The following WDFY4 variants were observed in gnomAD, a reference collection of about 807,000 sequenced individuals.
WDFY4 encodes the protein WDFY family member 4.
Under a neutral mutation model 351.9 loss-of-function variants are expected in WDFY4, and 169 were observed. The observed-to-expected ratio is 0.48, with a 90% CI of 0.42 to 0.55. The LOEUF (loss-of-function observed/expected upper bound fraction) is 0.55. WDFY4 is among the 20% of genes least tolerant of loss of function. WDFY4 has a pLI of 0.00. For missense variants in WDFY4, 3,803 were observed against 3,935.6 expected (o/e 0.97, Z 0.90); for synonymous variants, 1,622 against 1,574.6 (o/e 1.03, Z -0.71).
chr10:48,826,862 C>G lies in WDFY4; in HGVS notation c.6174C>G (p.Ser2058Arg). The change falls in exon 36 of 62, where the codon AGC becomes AGG. Residue 2058 changes from serine (S) to arginine (R), a missense_variant. By Grantham distance (110) the Ser-to-Arg change is moderately radical. Transcript: ENST00000325239. Reference protein sequence around the residue: ...VVFATYNSNISFLLCLMHCLL... With the variant: ...VVFATYNSNIRFLLCLMHCLL... ...TTGCCACCTACAATTCCAACATCAG[C>G]TTCCTCCTGTGTCTCATGCATTGCC... The G allele has an allele frequency of 1.3e-6, 2 of 1,551,774 alleles. No homozygotes were observed. The highest frequency in any genetic ancestry group is 1.7e-6 in the Non-Finnish European group (2 of 1,147,014).
chr10:48,890,103 GGCAGTACCTGTCTT>G (rs1443733610), intron 43 of WDFY4, among the ~76,000 whole-genome samples: 1 of 152,234 alleles, frequency 6.6e-6, no homozygotes. Context: ...TTGCAGAGAT[GGCAGTACCTGTCTT>G]GCACTTGTGG....
chr10:48,779,323 G>A (rs1238976666), intron 18 of WDFY4, among the ~76,000 whole-genome samples: 2 of 152,252 alleles, frequency 1.3e-5, no homozygotes, highest in African/African-American at 4.8e-5. Context: ...TCCTTTGGCA[G>A]TGCTAGAGGC....
Position 48,731,188 on chromosome 10 carries a change from T to C in WDFY4, c.1208T>C (p.Ile403Thr). Reference protein sequence around the residue: ...FHKASDSVLCIQVLSVIRTMW... With the variant: ...FHKASDSVLCTQVLSVIRTMW... ...AAAGCCAGTGACTCTGTCCTCTGCA[T>C]ACAAGTCTTGTCAGTCATCAGGACC... Residue 403 changes from isoleucine to threonine, a missense_variant, in exon 9 of 62, where the codon ATA becomes ACA. Physicochemically the swap from Ile to Thr is moderately conservative, Grantham distance 89 (BLOSUM62 -1). Coordinates refer to ENST00000325239, the MANE Select transcript of WDFY4 (RefSeq NM_001394531.1). The C allele has an allele frequency of 1.3e-6, 2 of 1,551,816 alleles. No individual in the cohort carries two copies. The highest frequency in any genetic ancestry group is 1.7e-6 in the Non-Finnish European group (2 of 1,147,016).
chr10:48,712,819 T>C (rs1279005430), intron 2 of WDFY4, among the ~76,000 whole-genome samples: 1 of 145,234 alleles, frequency 6.9e-6, no homozygotes, highest in Non-Finnish European at 1.6e-5. Context: ...CCCTTGGAAA[T>C]AACAGAACCT....
intron 10 of WDFY4, among the ~76,000 whole-genome samples, chr10:48,735,167 T>C (rs986761463): frequency 2.0e-5 from 3 of 152,152 alleles, no homozygotes; most frequent in African/African-American, 7.2e-5. Flanking sequence ...AAAAATCCTG[T>C]CTGCTCAAAT....
chr10:48,858,841 A>G (rs1337777568), intron 39 of WDFY4, among the ~76,000 whole-genome samples: 1 of 152,192 alleles, frequency 6.6e-6, no homozygotes, highest in Non-Finnish European at 1.5e-5. Context: ...TGAACATGAT[A>G]TGTTTTTCCT....
At chr10:48,753,968 T>C (rs1394482587) in intron 12 of WDFY4, among the ~76,000 whole-genome samples, 2 of 152,178 alleles carry the variant, frequency 1.3e-5, no homozygotes, top group East Asian at 1.9e-4. Flanking sequence ...AGTGTTTTTA[T>C]CATGAAAGAG....
rs1329207041 is a variant in WDFY4 at position 48,743,083 on chromosome 10, C to T, written c.1994C>T (p.Pro665Leu). The change falls in exon 12 of 62, where the codon CCG becomes CTG. Residue 665 changes from proline to leucine, a missense_variant. Coordinates refer to ENST00000325239, the MANE Select transcript of WDFY4 (RefSeq NM_001394531.1). Reference protein sequence around the residue: ...SDLEGSLQEPPLQAWGAVSPR... With the variant: ...SDLEGSLQEPLLQAWGAVSPR... Reference sequence around the variant, plus strand: ...CTGGAAGGCTCCCTCCAGGAGCCCCCGCTGCAGGCATGGGGAGCAGTATCC... The same window carrying T: ...CTGGAAGGCTCCCTCCAGGAGCCCCTGCTGCAGGCATGGGGAGCAGTATCC... 74 of 1,551,536 alleles carry T rather than the reference C, an allele frequency of 4.8e-5. No individual in the cohort carries two copies. Among genetic ancestry groups the T allele is most frequent in the Non-Finnish European group, 5.7e-5 (65 of 1,146,988 alleles).
chr10:48,830,903 T>A lies in WDFY4; in HGVS notation c.6526+18T>A, dbSNP rs1390383032. The A allele has an allele frequency of 6.5e-7, 1 of 1,544,438 alleles. No individual in the cohort carries two copies. Among genetic ancestry groups the A allele is most frequent in the South Asian group, 1.2e-5 (1 of 83,360 alleles). On this transcript the variant is annotated intron_variant, in intron 38 of 61. Transcript: ENST00000325239. ...TTACTTAGGTCTCTATCCACTCGGC[T>A]CCAGGGAATGGGAACTCCTGGGTCT...
At chr10:48,751,371 T>C (rs544976393) in intron 12 of WDFY4, among the ~76,000 whole-genome samples, 18 of 152,348 alleles carry the variant, frequency 1.2e-4, no homozygotes, top group African/African-American at 3.8e-4. Context: ...GCTCGGACTT[T>C]AAGCTGTAGT....
chr10:48,973,815 T>C (rs1842435266), intron 57 of WDFY4, among the ~76,000 whole-genome samples: 1 of 152,102 alleles, frequency 6.6e-6, no homozygotes, highest in African/African-American at 2.4e-5. Context: ...CACACAGCCA[T>C]CCATGAGTCA....
At chr10:48,801,747 C>T (rs1463396398) in intron 24 of WDFY4, among the ~76,000 whole-genome samples, 2 of 152,092 alleles carry the variant, frequency 1.3e-5, no homozygotes, top group African/African-American at 4.8e-5. Context: ...AAGATAGTGG[C>T]ATGTATGATG....
At chr10:48,720,165 C>A in intron 3 of WDFY4, 40 bp downstream of exon 3, 2 of 1,538,002 alleles carry the variant, frequency 1.3e-6, no homozygotes, top group South Asian at 1.2e-5. Flanking sequence ...CTACAGAGAG[C>A]AGTGCAGCCC....
chr10:48,736,407 C>T (rs74865187), intron 11 of WDFY4, among the ~76,000 whole-genome samples: 5 of 152,206 alleles, frequency 3.3e-5, no homozygotes, highest in African/African-American at 7.2e-5. Flanking sequence ...AGAACTGGCA[C>T]GGGTTATTTT....
intron 30 of WDFY4, among the ~76,000 whole-genome samples, chr10:48,812,198 TG>T (rs200225093): frequency 6.7e-5 from 10 of 149,528 alleles, no homozygotes; most frequent in African/African-American, 2.3e-4. Context: ...TTGTTTTTTT[TG>T]TTTTTTTTTG....
intron 53 of WDFY4, among the ~76,000 whole-genome samples, chr10:48,962,182 A>C (rs753061514): frequency 1.3e-5 from 2 of 152,172 alleles, no homozygotes; most frequent in African/African-American, 4.8e-5. Flanking sequence ...CTTCATGCAA[A>C]CATCTCCAGA....
intron 47 of WDFY4, among the ~76,000 whole-genome samples, chr10:48,926,793 A>G (rs1247861029): frequency 6.6e-6 from 1 of 152,226 alleles, no homozygotes; most frequent in Non-Finnish European, 1.5e-5. Flanking sequence ...AGAAAGAGAA[A>G]CAGTTTATGG....
chr10:48,903,087 G>A (rs1029574002), intron 47 of WDFY4, among the ~76,000 whole-genome samples: 2 of 152,146 alleles, frequency 1.3e-5, no homozygotes, highest in African/African-American at 4.8e-5. Context: ...TCCAGCCTGG[G>A]CGACAGAGCA....
At position 48,901,880 on chromosome 10, in the gene WDFY4, A is replaced by G. The variant is rs1245149327; in HGVS notation, c.7586+17A>G. On this transcript the variant is annotated intron_variant, in intron 47 of 61. Coordinates refer to ENST00000325239, the MANE Select transcript of WDFY4 (RefSeq NM_001394531.1). Reference sequence around the variant, plus strand: ...CAGTCTAAGGTAATGGCGGGTAGCCATGCTGTCTGGGCATGGCACTGCCCT... The same window carrying G: ...CAGTCTAAGGTAATGGCGGGTAGCCGTGCTGTCTGGGCATGGCACTGCCCT... 3.2e-6 allele frequency: 5 copies of G among 1,550,694 alleles called. No homozygotes were observed. Among genetic ancestry groups the G allele is most frequent in the South Asian group, 1.2e-5 (1 of 84,018 alleles).
Sources: gnomAD v4.1 joint callset for allele counts (sites outside exome capture counted in the v4.1 genomes callset) on GRCh38, gnomAD v4.1.1 for gene constraint, MANE v1.5 for transcripts, NCBI Gene and HGNC (gene_info 2026-07-23, HGNC 2026-07-21) for gene names.